Variants in ZNF768 observed in about 807,000 individuals in gnomAD.
ZNF768 encodes zinc finger protein 768.
In ZNF768, 12 loss-of-function variants were observed where a neutral mutation model predicts 39.7. The observed-to-expected ratio is 0.30, with a 90% CI of 0.19 to 0.49. The LOEUF is 0.49. Among genes scored for constraint, ZNF768 ranks in the 20% least tolerant of loss-of-function variants. The pLI is 0.99. For synonymous variants in ZNF768, 360 were observed against 288.4 expected, an observed-to-expected ratio of 1.25 and a Z score of -2.52; for missense variants, 613 against 723.2, an observed-to-expected ratio of 0.85 and a Z score of 1.75.
intron 1 of ZNF768, 24 bp from the exon 2 acceptor site, chr16:30,526,075 C>G (rs762944261): frequency 6.7e-7 from 1 of 1,493,590 alleles, no homozygotes; most frequent in Non-Finnish European, 8.9e-7. Flanking sequence ...GAATCCAGAT[C>G]GTGTGAGACC....
upstream of ZNF768, chr16:30,527,197 C>G (rs2051335540): frequency 2.0e-6 from 2 of 985,412 alleles, no homozygotes; most frequent in Non-Finnish European, 2.4e-6. Context: ...GGAACCGGGA[C>G]GGACTCCCCT....
chr16:30,524,164 A>C lies in ZNF768; in HGVS notation c.*353T>G. On this transcript the variant is annotated 3_prime_UTR_variant, in exon 2 of 2. Transcript: ENST00000380412. ...CCGCTCCTGACTCAACGAGAGTTTC[A>C]GCAGCTACCAATCTAAGCTAACCCA... 1 of 231,878 alleles carries C rather than the reference A, an allele frequency of 4.3e-6. No individual in the cohort carries two copies. The highest frequency in any genetic ancestry group is 9.5e-5 in the East Asian group (1 of 10,572). The allele number at this position is 231,878 out of a possible 1,614,324, so 14.4% of individuals were successfully genotyped here.
chr16:30,525,709 G>C lies in ZNF768; in HGVS notation c.431C>G (p.Ser144Cys). The C allele has an allele frequency of 6.2e-7, 1 of 1,613,586 alleles. No homozygotes were observed. Among genetic ancestry groups the C allele is most frequent in the Non-Finnish European group, 8.5e-7 (1 of 1,179,818 alleles). ...GYEPRSPGYE[S>C]ESSRYESQNT... ...CTGGGATTCATATCTAGAGCTCTCA[G>C]ATTCATAGCCAGGGCTCCGGGGTTC... Residue 144 changes from serine to cysteine, a missense_variant, in exon 2 of 2, where the codon TCT becomes TGT. Ser to Cys is a moderately radical substitution (Grantham distance 112, BLOSUM62 -1). This residue lies in a region of ZNF768 where 347 missense variants were observed against 326.1 expected (regional missense o/e 1.06). Coordinates refer to ENST00000380412, the MANE Select transcript of ZNF768 (RefSeq NM_024671.4).
intron 1 of ZNF768, 126 bp from the exon 2 acceptor site, chr16:30,526,177 C>G: frequency 1.3e-6 from 2 of 1,512,164 alleles, no homozygotes; most frequent in African/African-American, 2.9e-5. Context: ...TTCCCACGCC[C>G]CCCTCAGCTG....
Position 30,525,962 on chromosome 16 carries a change from G to C in ZNF768, c.178C>G (p.Pro60Ala). 1.3e-6 allele frequency: 2 copies of C among 1,509,628 alleles called. No homozygotes were observed. The highest frequency in any genetic ancestry group is 2.8e-5 in the South Asian group (2 of 72,402). The allele number at this position is 1,509,628 out of a possible 1,614,324, so 93.5% of individuals were successfully genotyped here. A position where few individuals can be genotyped will look rare whatever the true frequency, so the allele number is the denominator to read the frequency against. Reference protein sequence around the residue: ...EVEEIPFGLEPQSPGFEPQSP... With the variant: ...EVEEIPFGLEAQSPGFEPQSP... ...TGTGGCTCAAACCCAGGGCTCTGGG[G>C]TTCAAGCCCAAATGGTATCTCTTCG... is the stretch of plus-strand genomic sequence containing the variant. The change falls in exon 2 of 2, where the codon CCC becomes GCC. Residue 60 changes from proline to alanine, a missense_variant. Physicochemically the swap from Pro to Ala is conservative, Grantham distance 27 (BLOSUM62 -1). Coordinates refer to ENST00000380412, the MANE Select transcript of ZNF768 (RefSeq NM_024671.4).
chr16:30,526,032 C>T lies in ZNF768; in HGVS notation c.108G>A (p.Glu36=), dbSNP rs2051319718. 1.3e-6 allele frequency: 2 copies of T among 1,497,378 alleles called. No individual in the cohort carries two copies. The highest frequency in any genetic ancestry group is 1.8e-6 in the Non-Finnish European group (2 of 1,126,908). 92.8% of individuals were successfully genotyped at this position (1,497,378 alleles called of 1,614,324 possible). Residue 36 remains glutamate, a synonymous_variant, in exon 2 of 2, where the codon GAG becomes GAA. Coordinates refer to ENST00000380412, the MANE Select transcript of ZNF768 (RefSeq NM_024671.4). ...CTTCTTGCTGAGAAATTTCCTCTTCCTCATTCTCACTCATGTTGCCTGCAG... is the reference window on the plus strand; with the variant it reads ...CTTCTTGCTGAGAAATTTCCTCTTCTTCATTCTCACTCATGTTGCCTGCAG... ...GYLRGNMSEN[E]EEEISQQEGS...
At chr16:30,532,114 C>T in the ZNF768 span, 1 of 259,262 alleles carries the variant, frequency 3.9e-6, no homozygotes. Context: ...CACCATTGCA[C>T]TCCAGCCTGG....
rs777716784 is a variant in ZNF768 at position 30,526,394 on chromosome 16, G to A, written c.20C>T (p.Pro7Leu). Residue 7 changes from proline (P) to leucine (L), a missense_variant, in exon 1 of 2, where the codon CCG becomes CTG. By Grantham distance (98) the Pro-to-Leu change is moderately conservative (BLOSUM62 -3). This residue lies in a region of ZNF768 where 347 missense variants were observed against 326.1 expected (regional missense o/e 1.06). Coordinates refer to ENST00000380412, the MANE Select transcript of ZNF768 (RefSeq NM_024671.4). MEREAL[P>L]WGLEPQDVQS... is the part of the protein sequence containing the mutation. The stretch of plus-strand genomic sequence containing the variant: ...CACATCCTGGGGCTCGAGGCCCCAC[G>A]GCAACGCCTCCCGCTCCATCCCCGC... 7 of 1,598,458 alleles carry A rather than the reference G, an allele frequency of 4.4e-6. No individual in the cohort carries two copies. The African/African-American group carries it at 6.8e-5, about 16-fold the overall frequency.
upstream of ZNF768, chr16:30,527,110 C>G (rs1242653599): frequency 1.0e-6 from 1 of 985,246 alleles, no homozygotes; most frequent in Non-Finnish European, 1.2e-6. Flanking sequence ...GAAGGAGCGA[C>G]GCTTCCCGGC....
At position 30,526,363 on chromosome 16, in the gene ZNF768, A is replaced by G. The variant is rs1597118947; in HGVS notation, c.51T>C (p.Ser17=). The G allele has an allele frequency of 6.2e-7, 1 of 1,601,568 alleles. No individual in the cohort carries two copies. Among genetic ancestry groups the G allele is most frequent in the Non-Finnish European group, 8.5e-7 (1 of 1,175,092 alleles). The change falls in exon 1 of 2, where the codon AGT becomes AGC. Residue 17 remains serine, a synonymous_variant. Transcript: ENST00000380412. ...CTTCGGGGCTCCTCATTTCGTCAGA[A>G]CTCTGCACATCCTGGGGCTCGAGGC... ...PWGLEPQDVQ[S]SDEMRSPEGY...
Position 30,524,511 on chromosome 16 carries a change from C to A in ZNF768, c.*6G>T. ...CCACACCTCCCACCCCTGCTGGGGC[C>A]CCAGGTCAGCGCCGGCCCGCCGCGT... On this transcript the variant is annotated 3_prime_UTR_variant, in exon 2 of 2. Coordinates refer to ENST00000380412, the MANE Select transcript of ZNF768 (RefSeq NM_024671.4). The A allele has an allele frequency of 1.2e-6, 2 of 1,601,908 alleles. No individual in the cohort carries two copies. Among genetic ancestry groups the A allele is most frequent in the Non-Finnish European group, 8.5e-7 (1 of 1,176,390 alleles).
chr16:30,526,789 C>A (rs1052538335), upstream of ZNF768: 1 of 799,682 alleles, frequency 1.3e-6, no homozygotes, highest in Non-Finnish European at 1.5e-6. Context: ...AACGGCCGCC[C>A]AGCACCCCCC....
Position 30,525,277 on chromosome 16 carries a change from G to A in ZNF768, c.863C>T (p.Pro288Leu), listed in dbSNP as rs1286702848. 1.9e-6 allele frequency: 3 copies of A among 1,614,090 alleles called. No homozygotes were observed. Among genetic ancestry groups the A allele is most frequent in the Non-Finnish European group, 2.5e-6 (3 of 1,180,032 alleles). Residue 288 changes from proline to leucine, a missense_variant, in exon 2 of 2, where the codon CCC (proline) becomes CTC (leucine). This residue lies in a region of ZNF768 where 40 missense variants were observed against 52.0 expected (regional missense o/e 0.77). Transcript: ENST00000380412. ...CTTGCTGCAGACCTCACATTTGTAG[G>A]GCTTCTCACCGGTGTGGATGCGCTG... ...QHQRIHTGEK[P>L]YKCEVCSKAF... is the part of the protein sequence containing the mutation.
At chr16:30,526,568 G>C (rs1394890825), upstream of ZNF768, 12 of 1,047,950 alleles carry the variant, frequency 1.1e-5, no homozygotes, top group African/African-American at 1.2e-4. Flanking sequence ...CGGACGTCTT[G>C]ACCCCGCGCC....
upstream of ZNF768, chr16:30,526,719 C>G (rs1478638164): frequency 1.2e-6 from 1 of 801,834 alleles, no homozygotes; most frequent in Non-Finnish European, 1.5e-6. Flanking sequence ...GCCCCCGGCC[C>G]CCGCTCCCGC....
chr16:30,525,522 G>A lies in ZNF768; in HGVS notation c.618C>T (p.Pro206=). The A allele has an allele frequency of 1.2e-6, 2 of 1,614,188 alleles. No individual in the cohort carries two copies. Among genetic ancestry groups the A allele is most frequent in the Non-Finnish European group, 8.5e-7 (1 of 1,180,028 alleles). Residue 206 remains proline, a synonymous_variant, in exon 2 of 2, where the codon CCC becomes CCT. Coordinates refer to ENST00000380412, the MANE Select transcript of ZNF768 (RefSeq NM_024671.4). ...GTGGCCCTATGGGCAGGTCCCCTGTGGGCTGCTCCCCAAACCCCTGAGTGA... is the reference window on the plus strand; with the variant it reads ...GTGGCCCTATGGGCAGGTCCCCTGTAGGCTGCTCCCCAAACCCCTGAGTGA... ...DSFTQGFGEQ[P]TGDLPIGPPF...
Position 30,526,544 on chromosome 16 carries a change from C to T in ZNF768, c.-131G>A, listed in dbSNP as rs1442065477. The T allele has an allele frequency of 1.1e-5, 12 of 1,086,452 alleles. No homozygotes were observed. Among genetic ancestry groups the T allele is most frequent in the Admixed American group, 5.2e-5 (1 of 19,150 alleles). The allele number at this position is 1,086,452 out of a possible 1,614,324, so 67.3% of individuals were successfully genotyped here. On this transcript the variant is annotated 5_prime_UTR_variant, in exon 1 of 2. Transcript: ENST00000380412. Reference sequence around the variant, plus strand: ...GCCCAGGGGACTCGGCGGCCCAGCCCGGGCCCCCGAGGCCGGACGTCTTGA... The same window carrying T: ...GCCCAGGGGACTCGGCGGCCCAGCCTGGGCCCCCGAGGCCGGACGTCTTGA...
In ZNF768 at chr16:30,525,451, T is replaced by C; in HGVS notation, c.689A>G (p.Glu230Gly). The C allele has an allele frequency of 6.2e-7, 1 of 1,614,104 alleles. No homozygotes were observed. The highest frequency in any genetic ancestry group is 2.2e-5 in the East Asian group (1 of 44,878). The change falls in exon 2 of 2, where the codon GAG becomes GGG. Residue 230 changes from glutamate (E) to glycine (G), a missense_variant. This residue lies in a region of ZNF768 where 347 missense variants were observed against 326.1 expected (regional missense o/e 1.06). Transcript: ENST00000380412. The stretch of plus-strand genomic sequence containing the variant: ...GAGACCCAGGGGATTCTGAAGCATC[T>C]CAAACTGCGGTGTAGACAGCAGGGC... ...TGALLSTPQF[E>G]MLQNPLGLTG...
chr16:30,526,731 C>G (rs986178107), upstream of ZNF768: 3 of 842,260 alleles, frequency 3.6e-6, no homozygotes, highest in African/African-American at 5.5e-5. Flanking sequence ...CGCTCCCGCC[C>G]GAGCCCCCAC....
Sources: gnomAD v4.1 joint callset for allele counts on GRCh38, gnomAD v4.1.1 for gene constraint, gnomAD v4.1.1 regional missense constraint, MANE v1.5 for transcripts, NCBI Gene and HGNC (gene_info 2026-07-23, HGNC 2026-07-21) for gene names.